Variants in MDGA2 observed in about 807,000 individuals in gnomAD.
MDGA2 encodes the protein MAM domain containing glycosylphosphatidylinositol anchor 2.
Under a neutral mutation model 117.8 loss-of-function variants are expected in MDGA2, and 40 were observed. The observed-to-expected ratio is 0.34, with a 90% CI of 0.26 to 0.44. MDGA2 has a LOEUF of 0.44. Among genes scored for constraint, MDGA2 ranks in the 20% least tolerant of loss-of-function variants. The pLI, the probability that MDGA2 is intolerant of heterozygous loss-of-function variation, is 1.00. For missense variants in MDGA2, 1,123 were observed against 1,250.6 expected (o/e 0.90, Z 1.54); for synonymous variants, 452 against 439.0 (o/e 1.03, Z -0.37).
chr14:47,385,004 G>A (rs1255857107), intron 1 of MDGA2, among the ~76,000 whole-genome samples: 1 of 152,136 alleles, frequency 6.6e-6, no homozygotes, highest in Non-Finnish European at 1.5e-5. Flanking sequence ...GATGTGAGCA[G>A]ACATGATTTC....
At chr14:47,057,502 T>C (rs1889721389) in intron 7 of MDGA2, among the ~76,000 whole-genome samples, 1 of 152,080 alleles carries the variant, frequency 6.6e-6, no homozygotes. Flanking sequence ...TGAAACAATT[T>C]GCATGTTTAA....
chr14:47,386,235 C>T (rs536866651), intron 1 of MDGA2, among the ~76,000 whole-genome samples: 4 of 152,070 alleles, frequency 2.6e-5, no homozygotes, highest in Admixed American at 2.0e-4. Context: ...GAGCCGAGAT[C>T]GCACCATGCA....
chr14:46,848,211 C>T (rs886089940), intron 15 of MDGA2, among the ~76,000 whole-genome samples: 3 of 152,000 alleles, frequency 2.0e-5, no homozygotes, highest in African/African-American at 7.2e-5. Context: ...GTTTGAAAAA[C>T]ATCCACAGTG....
At chr14:46,889,035 T>C (rs560170134) in intron 10 of MDGA2, among the ~76,000 whole-genome samples, 22 of 151,994 alleles carry the variant, frequency 1.4e-4, no homozygotes, top group Admixed American at 3.3e-4. Flanking sequence ...GACATTTTCA[T>C]GGATTAAAAT....
At chr14:47,486,578 T>A (rs186021946) in intron 1 of MDGA2, among the ~76,000 whole-genome samples, 17 of 152,204 alleles carry the variant, frequency 1.1e-4, no homozygotes, top group Admixed American at 3.3e-4. Context: ...AATTATATGG[T>A]TTGGCTCTAT....
chr14:47,593,370 C>A (rs776292256), intron 1 of MDGA2, among the ~76,000 whole-genome samples: 1 of 152,172 alleles, frequency 6.6e-6, no homozygotes, highest in Non-Finnish European at 1.5e-5. Context: ...ACCCATCAAT[C>A]CCATTACTGG....
intron 1 of MDGA2, among the ~76,000 whole-genome samples, chr14:47,306,773 G>A (rs1341910156): frequency 6.6e-6 from 1 of 151,916 alleles, no homozygotes; most frequent in Non-Finnish European, 1.5e-5. Flanking sequence ...TGCTGTGCCA[G>A]CATTACTCAT....
At chr14:47,300,170 T>C (rs995356525) in intron 2 of MDGA2, among the ~76,000 whole-genome samples, 5 of 152,210 alleles carry the variant, frequency 3.3e-5, no homozygotes, top group African/African-American at 9.6e-5. Flanking sequence ...GGTGAGTTCA[T>C]AAAATCTCCA....
chr14:46,854,917 T>C, intron 15 of MDGA2, 107 bp downstream of exon 15: 1 of 1,031,558 alleles, frequency 9.7e-7, no homozygotes, highest in South Asian at 2.0e-5. Context: ...TTTGTGATGC[T>C]TATATCGTGG....
At chr14:46,870,952 ATATT>A (rs1353687696) in intron 14 of MDGA2, 1 of 151,998 alleles carries the variant, frequency 6.6e-6, no homozygotes, top group East Asian at 1.9e-4. Context: ...GGTCTTGGAA[ATATT>A]TATTTAAAAA....
At chr14:47,350,824 A>T (rs1411523674) in intron 1 of MDGA2, among the ~76,000 whole-genome samples, 1 of 152,248 alleles carries the variant, frequency 6.6e-6, no homozygotes, top group Admixed American at 6.5e-5. Flanking sequence ...AATAAAAGAC[A>T]AGGGAGTTCT....
chr14:47,232,448 G>T (rs550866532), intron 2 of MDGA2, among the ~76,000 whole-genome samples: 1 of 152,132 alleles, frequency 6.6e-6, no homozygotes, highest in African/African-American at 2.4e-5. Context: ...TTTATGTTTT[G>T]TAAGGAATTA....
At chr14:47,368,006 G>A (rs896208805) in intron 1 of MDGA2, among the ~76,000 whole-genome samples, 10 of 152,172 alleles carry the variant, frequency 6.6e-5, no homozygotes, top group African/African-American at 1.7e-4. Flanking sequence ...ATGGCCGGGC[G>A]TGGTGGCTCA....
At chr14:47,206,096 G>C (rs1200608443) in intron 3 of MDGA2, among the ~76,000 whole-genome samples, 2 of 151,992 alleles carry the variant, frequency 1.3e-5, no homozygotes, top group Non-Finnish European at 2.9e-5. Context: ...TTGTAACACT[G>C]GGTTTTCCAA....
At chr14:47,163,086 A>C (rs1883710001) in intron 3 of MDGA2, among the ~76,000 whole-genome samples, 1 of 152,116 alleles carries the variant, frequency 6.6e-6, no homozygotes, top group South Asian at 2.1e-4. Context: ...CTTCTTTGTC[A>C]CATCTTTGGG....
chr14:47,503,458 T>G (rs569972102), intron 1 of MDGA2, among the ~76,000 whole-genome samples: 1 of 149,612 alleles, frequency 6.7e-6, no homozygotes, highest in East Asian at 2.0e-4. Context: ...AGTCTCGCTC[T>G]GTTGCCCAGG....
intron 1 of MDGA2, among the ~76,000 whole-genome samples, chr14:47,328,972 T>A (rs2139903690): frequency 1.3e-5 from 2 of 152,298 alleles, no homozygotes; most frequent in South Asian, 2.1e-4. Context: ...GTCACAAAAT[T>A]TTTAACTAGT....
chr14:47,314,079 G>T (rs1889727143), intron 1 of MDGA2, among the ~76,000 whole-genome samples: 1 of 152,092 alleles, frequency 6.6e-6, no homozygotes, highest in African/African-American at 2.4e-5. Context: ...AGTGTATAGA[G>T]ATTGAGTAAG....
At chr14:46,985,806 C>G (rs535577232) in intron 8 of MDGA2, among the ~76,000 whole-genome samples, 1 of 152,108 alleles carries the variant, frequency 6.6e-6, no homozygotes, top group South Asian at 2.1e-4. Flanking sequence ...TTTCAATGAA[C>G]AGGTTAATCA....
Sources: gnomAD v4.1 joint callset for allele counts (sites outside exome capture counted in the v4.1 genomes callset) on GRCh38, gnomAD v4.1.1 for gene constraint, MANE v1.5 for transcripts, NCBI Gene and HGNC (gene_info 2026-07-23, HGNC 2026-07-21) for gene names.